Variants in RBFOX1 observed in about 807,000 individuals in gnomAD.
The protein encoded by RBFOX1 is RNA binding protein fox-1 homolog 1.
Under a neutral mutation model 57.7 loss-of-function variants are expected in RBFOX1, and 8 were observed. The ratio of observed to expected loss-of-function variants is 0.14; its 90% CI spans 0.08 to 0.25. The LOEUF is 0.25. RBFOX1 is among the 10% of genes least tolerant of loss of function. RBFOX1 has a pLI of 1.00. For missense variants in RBFOX1, 611 were observed against 548.5 expected, an observed-to-expected ratio of 1.11 and a Z score of -1.14; for synonymous variants, 326 against 222.4, an observed-to-expected ratio of 1.47 and a Z score of -4.15.
Position 5,254,508 on chromosome 16 carries a change from T to C in RBFOX1, c.219+14403T>C, listed in dbSNP as rs149290885. Among the ~76,000 whole-genome samples the C allele has an allele frequency of 5.3e-4, 81 of 152,304 alleles. 1 individual carries two copies. In the East Asian group the frequency reaches 0.013, roughly 24 times the overall value. Reference sequence around the variant, plus strand: ...TTTTTAAAAAGGAGTCTGTATCATATTTATCTTGTGGTCTGCCATGCCCCC... The same window carrying C: ...TTTTTAAAAAGGAGTCTGTATCATACTTATCTTGTGGTCTGCCATGCCCCC... On this transcript the variant is annotated intron_variant, in intron 1 of 2. Coordinates refer to the RBFOX1 transcript ENST00000585867.
At chr16:7,434,276 C>G (rs2098704968) in intron 4 of RBFOX1, among the ~76,000 whole-genome samples, 7 of 151,988 alleles carry the variant, frequency 4.6e-5, no homozygotes, top group Admixed American at 3.9e-4. Context: ...TCGAGACCAT[C>G]CTGGCTAACA....
At chr16:7,411,561 C>A (rs1483888956) in intron 4 of RBFOX1, among the ~76,000 whole-genome samples, 1 of 152,142 alleles carries the variant, frequency 6.6e-6, no homozygotes, top group Non-Finnish European at 1.5e-5. Context: ...AGTCAACTTC[C>A]AGTTGAGGGA....
At chr16:7,443,268 A>C (rs2098783268) in intron 4 of RBFOX1, among the ~76,000 whole-genome samples, 1 of 152,132 alleles carries the variant, frequency 6.6e-6, no homozygotes, top group Non-Finnish European at 1.5e-5. Flanking sequence ...ATATACCAAA[A>C]GGCAATTTTC....
intron 4 of RBFOX1, among the ~76,000 whole-genome samples, chr16:7,146,638 C>A (rs890902983): frequency 6.6e-5 from 10 of 152,052 alleles, no homozygotes; most frequent in African/African-American, 2.4e-4. Context: ...AAACTCAGAA[C>A]CCAGCAGATA....
intron 4 of RBFOX1, among the ~76,000 whole-genome samples, chr16:7,362,470 GTGTT>G (rs575663024): frequency 2.1e-3 from 315 of 151,446 alleles, no homozygotes; most frequent in African/African-American, 5.2e-3. Context: ...GTTTTTGTGT[GTGTT>G]TGTGTGTTTT....
chr16:5,796,295 C>T (rs535156345), intron 3 of RBFOX1, among the ~76,000 whole-genome samples: 1 of 152,188 alleles, frequency 6.6e-6, no homozygotes, highest in Admixed American at 6.5e-5. Context: ...AAGAAGGAAA[C>T]ATGTTATGGG....
chr16:5,913,371 C>G (rs2058643800), intron 4 of RBFOX1, among the ~76,000 whole-genome samples: 1 of 152,132 alleles, frequency 6.6e-6, no homozygotes, highest in South Asian at 2.1e-4. Context: ...GAGATAGGGC[C>G]TAGTGAAAGG....
intron 5 of RBFOX1, among the ~76,000 whole-genome samples, chr16:7,573,610 G>A (rs1250138469): frequency 2.6e-5 from 4 of 152,120 alleles, no homozygotes; most frequent in South Asian, 2.1e-4. Flanking sequence ...AAGGCAGGCC[G>A]ATCACTTGAG....
chr16:7,605,928 T>C (rs528352801), intron 9 of RBFOX1, among the ~76,000 whole-genome samples: 1 of 152,090 alleles, frequency 6.6e-6, no homozygotes, highest in African/African-American at 2.4e-5. Context: ...AACCTCTGAC[T>C]CCCAGCTTCA....
At chr16:6,034,331 CAAAAA>C (rs757260576) in intron 1 of RBFOX1, among the ~76,000 whole-genome samples, 30 of 37,118 alleles carry the variant, frequency 8.1e-4, no homozygotes, top group South Asian at 2.6e-3. Flanking sequence ...GACTGTTGCG[CAAAAA>C]AAAAAAAAAA....
intron 4 of RBFOX1, among the ~76,000 whole-genome samples, chr16:5,916,720 A>C (rs2058710954): frequency 6.6e-6 from 1 of 152,086 alleles, no homozygotes; most frequent in South Asian, 2.1e-4. Flanking sequence ...CCGGGTCAGC[A>C]CCACCCCCCA....
At chr16:7,598,111 C>T (rs567021790) in intron 9 of RBFOX1, among the ~76,000 whole-genome samples, 4 of 152,130 alleles carry the variant, frequency 2.6e-5, no homozygotes, top group Non-Finnish European at 4.4e-5. Context: ...TTCTTTAATT[C>T]CTCTCAAAAT....
chr16:5,410,401 T>C (rs2066988814), intron 1 of RBFOX1, among the ~76,000 whole-genome samples: 1 of 151,850 alleles, frequency 6.6e-6, no homozygotes, highest in South Asian at 2.1e-4. Flanking sequence ...AAAATCATTG[T>C]GCATGTCTCT....
chr16:7,426,018 G>C (rs2098607324), intron 4 of RBFOX1, among the ~76,000 whole-genome samples: 1 of 152,080 alleles, frequency 6.6e-6, no homozygotes, highest in Non-Finnish European at 1.5e-5. Flanking sequence ...GCGGCATCTG[G>C]GCCTCGGATG....
chr16:7,341,288 G>T (rs928323111), intron 4 of RBFOX1, among the ~76,000 whole-genome samples: 2 of 152,092 alleles, frequency 1.3e-5, no homozygotes, highest in Non-Finnish European at 2.9e-5. Context: ...ATTATCTTCA[G>T]CAATGGTCAC....
chr16:6,147,413 C>G (rs557072317), intron 1 of RBFOX1, among the ~76,000 whole-genome samples: 1 of 152,248 alleles, frequency 6.6e-6, no homozygotes, highest in South Asian at 2.1e-4. Context: ...TCCAGGGTCC[C>G]TGGACATGGT....
chr16:7,504,412 G>T (rs1470253904), intron 4 of RBFOX1, among the ~76,000 whole-genome samples: 1 of 151,728 alleles, frequency 6.6e-6, no homozygotes, highest in Admixed American at 6.6e-5. Context: ...ACATGGTCTT[G>T]TGCCTTTTTG....
intron 4 of RBFOX1, among the ~76,000 whole-genome samples, chr16:7,200,231 T>C (rs555693882): frequency 9.2e-5 from 14 of 152,256 alleles, no homozygotes; most frequent in African/African-American, 3.4e-4. Context: ...TCCTTGTAGA[T>C]GGTAAGGATG....
intron 5 of RBFOX1, among the ~76,000 whole-genome samples, chr16:7,573,870 C>G (rs537194667): frequency 6.6e-6 from 1 of 152,004 alleles, no homozygotes; most frequent in African/African-American, 2.4e-5. Flanking sequence ...CAGGAGTTCT[C>G]TCAGAGATTA....
Sources: gnomAD v4.1 joint callset for allele counts (sites outside exome capture counted in the v4.1 genomes callset) on GRCh38, gnomAD v4.1.1 for gene constraint, MANE v1.5 for transcripts, NCBI Gene and HGNC (gene_info 2026-07-23, HGNC 2026-07-21) for gene names.